The following GSE1 variants were observed in gnomAD, a reference collection of about 807,000 sequenced individuals.
GSE1 encodes Gse1 coiled-coil protein.
A neutral mutation model predicts 112.6 loss-of-function variants in GSE1; 32 were observed. That is an observed-to-expected ratio of 0.28 (90% CI 0.21 to 0.38). The LOEUF is 0.38. GSE1 is among the 10% of genes least tolerant of loss of function. GSE1 has a pLI of 1.00. For missense variants in GSE1, 2,348 were observed against 1,699.2 expected (o/e 1.38, Z -6.71); for synonymous variants, 1,115 against 735.6 (o/e 1.52, Z -8.35).
intron 1 of GSE1, among the ~76,000 whole-genome samples, chr16:85,300,197 A>G (rs892895391): frequency 6.6e-6 from 1 of 152,058 alleles, no homozygotes; most frequent in African/African-American, 2.4e-5. Context: ...TTTTTAGTAG[A>G]GACGGGGTTT....
At chr16:85,376,715 A>AGGCCCTGCCT (rs2047429300) in intron 2 of GSE1, among the ~76,000 whole-genome samples, 1 of 152,298 alleles carries the variant, frequency 6.6e-6, no homozygotes, top group South Asian at 2.1e-4. Flanking sequence ...AGGCCCTGCC[A>AGGCCCTGCCT]AGCCACAGGT....
intron 1 of GSE1, among the ~76,000 whole-genome samples, chr16:85,318,350 A>C (rs1011254709): frequency 6.6e-6 from 1 of 151,996 alleles, no homozygotes; most frequent in African/African-American, 2.4e-5. Context: ...TGCAGCCTCA[A>C]CCTCCTGGGG....
intron 2 of GSE1, among the ~76,000 whole-genome samples, chr16:85,496,233 C>T (rs376616073): frequency 2.6e-5 from 4 of 152,232 alleles, no homozygotes; most frequent in African/African-American, 4.8e-5. Flanking sequence ...CATCCATCTC[C>T]CGCCACCCCG....
intron 3 of GSE1, among the ~76,000 whole-genome samples, 188 bp from the exon 4 acceptor site, chr16:85,654,090 C>T (rs1328496088): frequency 6.6e-6 from 1 of 152,174 alleles, no homozygotes; most frequent in Non-Finnish European, 1.5e-5. Flanking sequence ...GCAGCCACAT[C>T]CCCTTTCTTA....
intron 1 of GSE1, among the ~76,000 whole-genome samples, chr16:85,310,608 C>G (rs2045812568): frequency 6.6e-6 from 1 of 151,998 alleles, no homozygotes; most frequent in Admixed American, 6.5e-5. Flanking sequence ...GCCCCTCTCC[C>G]TGCTCCCTGA....
chr16:85,201,111 T>TA (rs988523948), intron 1 of GSE1, among the ~76,000 whole-genome samples: 20 of 152,294 alleles, frequency 1.3e-4, no homozygotes, highest in Admixed American at 3.3e-4. Flanking sequence ...CTTGCTCTGT[T>TA]GCCCAGGCTG....
upstream of GSE1, among the ~76,000 whole-genome samples, chr16:85,608,232 C>T (rs748973848): frequency 5.9e-5 from 9 of 152,084 alleles, no homozygotes; most frequent in Non-Finnish European, 1.2e-4. Context: ...ATGCGTAGGG[C>T]AGGGCTGGGG....
At chr16:85,611,112 C>T (rs561435119), upstream of GSE1, among the ~76,000 whole-genome samples, 17 of 152,348 alleles carry the variant, frequency 1.1e-4, no homozygotes, top group African/African-American at 3.4e-4. Flanking sequence ...GGTGTCTACC[C>T]GGCCAGGTGC....
At chr16:85,552,768 C>G (rs1371821291), upstream of GSE1, among the ~76,000 whole-genome samples, 2 of 152,236 alleles carry the variant, frequency 1.3e-5, no homozygotes, top group Non-Finnish European at 2.9e-5. Flanking sequence ...ATAGTCTTCC[C>G]CACTGCAGCA....
intron 2 of GSE1, among the ~76,000 whole-genome samples, chr16:85,410,238 G>A (rs1468452095): frequency 9.1e-5 from 1 of 11,002 alleles, no homozygotes; most frequent in South Asian, 6.1e-3. Context: ...AGGGCCCCCT[G>A]GATAATCCTC....
At chr16:85,614,427 C>G (rs999351220) in intron 1 of GSE1, among the ~76,000 whole-genome samples, 5 of 152,370 alleles carry the variant, frequency 3.3e-5, no homozygotes, top group Middle Eastern at 3.4e-3. Flanking sequence ...TTTCCGCCTC[C>G]CCTCCCCAGC....
chr16:85,670,941 G>A (rs928862098), intron 14 of GSE1, 54 bp from the exon 15 acceptor site: 71 of 1,087,014 alleles, frequency 6.5e-5, no homozygotes, highest in South Asian at 5.9e-4. Flanking sequence ...AGCACAAAGC[G>A]GGCCTTCGGG....
At chr16:85,346,083 C>T (rs916202061) in intron 1 of GSE1, among the ~76,000 whole-genome samples, 2 of 124,236 alleles carry the variant, frequency 1.6e-5, no homozygotes, top group African/African-American at 6.3e-5. Flanking sequence ...TGGATGGATG[C>T]ATAGATGGAG....
At chr16:85,621,162 G>A (rs1406524115) in intron 1 of GSE1, among the ~76,000 whole-genome samples, 6 of 148,430 alleles carry the variant, frequency 4.0e-5, no homozygotes, top group Admixed American at 1.3e-4. Flanking sequence ...AGATGGTCTC[G>A]GCCCTGGATC....
At chr16:85,466,384 G>T (rs2050121305) in intron 2 of GSE1, among the ~76,000 whole-genome samples, 1 of 152,194 alleles carries the variant, frequency 6.6e-6, no homozygotes, top group African/African-American at 2.4e-5. Flanking sequence ...TGTGAACCCT[G>T]CGGATCCCTG....
At chr16:85,496,117 C>T (rs2051168224) in intron 2 of GSE1, among the ~76,000 whole-genome samples, 1 of 152,190 alleles carries the variant, frequency 6.6e-6, no homozygotes, top group Admixed American at 6.5e-5. Context: ...GGAGCAGGGT[C>T]TCCGGCTTCA....
At chr16:85,425,447 G>C (rs1344472299) in intron 2 of GSE1, among the ~76,000 whole-genome samples, 1 of 152,188 alleles carries the variant, frequency 6.6e-6, no homozygotes, top group African/African-American at 2.4e-5. Context: ...GGAGCTGCGA[G>C]TGTCAGGGGA....
chr16:85,639,678 G>C (rs1304729465), intron 2 of GSE1, among the ~76,000 whole-genome samples: 1 of 152,254 alleles, frequency 6.6e-6, no homozygotes, highest in Non-Finnish European at 1.5e-5. Context: ...GCAGCCCTGA[G>C]CCAGGCTGGG....
intron 2 of GSE1, among the ~76,000 whole-genome samples, chr16:85,396,205 G>A (rs1322695778): frequency 6.6e-6 from 1 of 152,206 alleles, no homozygotes; most frequent in Non-Finnish European, 1.5e-5. Context: ...CTCCTCCCCA[G>A]TTCCCCAAGT....
Sources: gnomAD v4.1 joint callset for allele counts (sites outside exome capture counted in the v4.1 genomes callset) on GRCh38, gnomAD v4.1.1 for gene constraint, MANE v1.5 for transcripts, NCBI Gene and HGNC (gene_info 2026-07-23, HGNC 2026-07-21) for gene names.